PCLO: variants seen among roughly 807,000 people sequenced by gnomAD.
The protein encoded by PCLO is protein piccolo.
In PCLO, 82 loss-of-function variants were observed where a neutral mutation model predicts 427.5. The observed-to-expected ratio is 0.19, with a 90% confidence interval of 0.16 to 0.23. The LOEUF (loss-of-function observed/expected upper bound fraction) is 0.23, where lower values mean the gene tolerates loss of function less well. Ranked by LOEUF, PCLO falls within the 10% of genes least tolerant of loss-of-function variation. The probability of loss-of-function intolerance (pLI) is 1.00; values close to 1 mark genes in which losing one functional copy is unlikely to be tolerated. For synonymous variants in PCLO, 2,357 were observed against 2,155.4 expected (o/e 1.09, Z -2.59); for missense variants, 6,239 against 6,115.9 (o/e 1.02, Z -0.67).
rs1336395263 is a variant in PCLO, at chr7:83,130,133, G to T, written c.3300+4117C>A. Among the ~76,000 whole-genome samples the T allele has an allele frequency of 1.0e-4, 6 of 58,268 alleles. No homozygotes were observed. In the East Asian group the frequency reaches 3.8e-3, roughly 37 times the overall value. The allele number at this position is 58,268 out of a possible 152,430, so 38.2% of individuals were successfully genotyped here. ...TAATGTAGATGTCCATTATGTTTTT[G>T]TTGTTGTTGTTGTTGTTGTTGTTGT... On this transcript the variant is annotated intron_variant, in intron 3 of 24. Coordinates refer to ENST00000333891, the MANE Select transcript of PCLO (RefSeq NM_033026.6).
At chr7:82,938,539 C>A (rs768856208) in intron 6 of PCLO, among the ~76,000 whole-genome samples, 3 of 151,886 alleles carry the variant, frequency 2.0e-5, no homozygotes, top group Non-Finnish European at 2.9e-5. Context: ...ATTGGGGCAG[C>A]TTTTGCCTAT....
rs1169608912 is a variant in PCLO at position 83,029,250 on chromosome 7, A to G, written c.3301-62763T>C. ...TATCCAGAATCTACAATGAACTCAA[A>G]CAAATTTACAAGAAAAAAAAAAAAA... On this transcript the variant is annotated intron_variant, in intron 3 of 24. Transcript: ENST00000333891. Among the ~76,000 whole-genome samples the G allele has an allele frequency of 2.0e-5, 3 of 146,898 alleles. No homozygotes were observed. The East Asian group carries it at 6.8e-4, about 34-fold the overall frequency.
Position 82,950,151 on chromosome 7 carries a change from C to T in PCLO, c.10437G>A (p.Gln3479=). ...DTSVQTDDED[Q]DEWDMPTRSR... is the part of the protein sequence containing the mutation. Reference sequence around the variant, plus strand: ...ATCTAGTAGGCATATCCCACTCATCCTGATCTTCATCATCAGTTTGGACGC... The same window carrying T: ...ATCTAGTAGGCATATCCCACTCATCTTGATCTTCATCATCAGTTTGGACGC... Residue 3479 remains glutamine (Q), a synonymous_variant, in exon 6 of 25, where the codon CAG becomes CAA. Transcript: ENST00000333891. The T allele has an allele frequency of 6.2e-7, 1 of 1,610,720 alleles. No individual in the cohort carries two copies. Among genetic ancestry groups the T allele is most frequent in the Non-Finnish European group, 8.5e-7 (1 of 1,179,366 alleles).
Position 82,950,188 on chromosome 7 carries a change from C to G in PCLO, c.10400G>C (p.Ser3467Thr). Residue 3467 changes from serine (S) to threonine (T), a missense_variant, in exon 6 of 25, where the codon AGT becomes ACT. Transcript: ENST00000333891. ...ATCAGTTTGGACGCTTGTATCCACACTCTTTTTAGTTCTCCTTCTCCTACT... is the reference window on the plus strand; with the variant it reads ...ATCAGTTTGGACGCTTGTATCCACAGTCTTTTTAGTTCTCCTTCTCCTACT... ...YVSRRRRTKK[S>T]VDTSVQTDDE... is the part of the protein sequence containing the mutation. 1.2e-6 allele frequency: 2 copies of G among 1,611,852 alleles called. No homozygotes were observed. The highest frequency in any genetic ancestry group is 1.7e-6 in the Non-Finnish European group (2 of 1,179,608).
chr7:82,760,374 G>T (rs555667870), intron 24 of PCLO, among the ~76,000 whole-genome samples: 1 of 151,960 alleles, frequency 6.6e-6, no homozygotes, highest in South Asian at 2.1e-4. Flanking sequence ...GGCCCAAAAA[G>T]GTTTAGTGGC....
chr7:82,936,985 C>T (rs950891873), intron 6 of PCLO, among the ~76,000 whole-genome samples: 1 of 151,470 alleles, frequency 6.6e-6, no homozygotes, highest in Non-Finnish European at 1.5e-5. Context: ...TTGTCAGAGG[C>T]TAAGCGGGGA....
At chr7:82,978,452 A>T (rs1796072633) in intron 3 of PCLO, among the ~76,000 whole-genome samples, 1 of 151,976 alleles carries the variant, frequency 6.6e-6, no homozygotes, top group African/African-American at 2.4e-5. Context: ...TCTTTGTGAG[A>T]CTCTGAAGTT....
At chr7:82,906,317 CAT>C (rs1183854050) in intron 8 of PCLO, among the ~76,000 whole-genome samples, 5 of 151,848 alleles carry the variant, frequency 3.3e-5, no homozygotes, top group African/African-American at 9.7e-5. Flanking sequence ...TCTTGTTATG[CAT>C]ATGTTTTCAA....
intron 13 of PCLO, among the ~76,000 whole-genome samples, chr7:82,843,798 G>A (rs1792429892): frequency 6.6e-6 from 1 of 151,572 alleles, no homozygotes; most frequent in Admixed American, 6.6e-5. Context: ...CTGAGCAGCT[G>A]GGACTACAGG....
Position 82,966,219 on chromosome 7 carries a change from G to C in PCLO, c.3569C>G (p.Thr1190Ser). The change falls in exon 4 of 25, where the codon ACC becomes AGC. Residue 1190 changes from threonine to serine, a missense_variant. Thr to Ser is a moderately conservative substitution (Grantham distance 58). Coordinates refer to ENST00000333891, the MANE Select transcript of PCLO (RefSeq NM_033026.6). ...LSMEKIPPMV[T>S]TDQKQEESKL... The stretch of plus-strand genomic sequence containing the variant: ...ACTCTCTTCTTGTTTTTGATCTGTG[G>C]TTACCATAGGAGGAATTTTTTCCAT... 2 of 1,611,054 alleles carry C rather than the reference G, an allele frequency of 1.2e-6. No individual in the cohort carries two copies. Among genetic ancestry groups the C allele is most frequent in the East Asian group, 4.5e-5 (2 of 44,832 alleles).
chr7:83,122,632 C>A (rs1791317969), intron 3 of PCLO, among the ~76,000 whole-genome samples: 1 of 151,914 alleles, frequency 6.6e-6, no homozygotes, highest in Non-Finnish European at 1.5e-5. Context: ...TACTGGAAGT[C>A]CTAGCTATAG....
intron 3 of PCLO, among the ~76,000 whole-genome samples, chr7:83,037,903 GTTGGTTCTCTTTACAA>G (rs2116184358): frequency 7.2e-6 from 1 of 139,816 alleles, no homozygotes; most frequent in Admixed American, 7.6e-5. Context: ...GCCATATAAT[GTTGGTTCTCTTTACAA>G]TTGGTTAACT....
chr7:82,924,832 A>T (rs974618813), intron 6 of PCLO, among the ~76,000 whole-genome samples: 13 of 152,108 alleles, frequency 8.5e-5, no homozygotes, highest in South Asian at 2.1e-4. Flanking sequence ...AGAACAAAAA[A>T]ATTTGATAGC....
chr7:83,078,501 T>C (rs1005406048), intron 3 of PCLO, among the ~76,000 whole-genome samples: 1 of 139,852 alleles, frequency 7.2e-6, no homozygotes, highest in South Asian at 2.4e-4. Context: ...GTTCAAACTA[T>C]ACTCAATATG....
At chr7:83,099,383 A>AT (rs1479844135) in intron 3 of PCLO, among the ~76,000 whole-genome samples, 114 of 109,888 alleles carry the variant, frequency 1.0e-3, no homozygotes, top group African/African-American at 2.0e-3. Flanking sequence ...CATACAGTAG[A>AT]TTTTTTTGTT....
intron 8 of PCLO, among the ~76,000 whole-genome samples, chr7:82,904,627 AT>A (rs1049863133): frequency 6.6e-6 from 1 of 151,884 alleles, no homozygotes; most frequent in Non-Finnish European, 1.5e-5. Flanking sequence ...AGAAAACACA[AT>A]TTTGCCTTTT....
chr7:82,819,645 A>C (rs972780319), intron 20 of PCLO, among the ~76,000 whole-genome samples: 1 of 152,182 alleles, frequency 6.6e-6, no homozygotes, highest in Admixed American at 6.5e-5. Flanking sequence ...ACATATTCAG[A>C]ATTATCCTAA....
chr7:82,835,766 G>A (rs1171194634), intron 15 of PCLO, 73 bp from the exon 16 acceptor site: 5 of 1,130,680 alleles, frequency 4.4e-6, no homozygotes, highest in South Asian at 1.3e-5. Flanking sequence ...AAATAGTTAG[G>A]AACAGAAATA....
rs917146723 is a variant in PCLO at position 82,758,262 on chromosome 7, G to A, written c.*313C>T. 2 of 204,054 alleles carry A rather than the reference G, an allele frequency of 9.8e-6. No homozygotes were observed. Among genetic ancestry groups the A allele is most frequent in the Non-Finnish European group, 1.9e-5 (2 of 102,822 alleles). 12.6% of individuals were successfully genotyped at this position (204,054 alleles called of 1,614,324 possible). Reference sequence around the variant, plus strand: ...ACATTAATCTTTGAGCCTGTCTTAAGCTATAGCTCAACTCTACTCAAAGAT... The same window carrying A: ...ACATTAATCTTTGAGCCTGTCTTAAACTATAGCTCAACTCTACTCAAAGAT... On this transcript the variant is annotated 3_prime_UTR_variant, in exon 25 of 25. Transcript: ENST00000333891.
Sources: allele counts gnomAD v4.1 joint callset (sites outside exome capture counted in the v4.1 genomes callset), GRCh38; gene constraint gnomAD v4.1.1; transcripts MANE v1.5; gene names NCBI Gene and HGNC (gene_info 2026-07-23, HGNC 2026-07-21).